Variants in OR52M1 observed in about 807,000 individuals in gnomAD.
The protein encoded by OR52M1 is olfactory receptor 52M1.
Under a neutral mutation model 1.3 loss-of-function variants are expected in OR52M1, and 2 were observed. The observed-to-expected ratio is 1.59, with a 90% CI of 0.65 to 5.01. The LOEUF (loss-of-function observed/expected upper bound fraction) is 5.01, where lower values mean the gene tolerates loss of function less well. OR52M1 is among the 30% of genes most tolerant of loss of function. The pLI, the probability that OR52M1 is intolerant of heterozygous loss-of-function variation, is 0.06. For missense variants in OR52M1, 585 were observed against 403.7 expected (o/e 1.45, Z -3.85); for synonymous variants, 234 against 151.4 (o/e 1.55, Z -4.01).
chr11:4,546,060 C>T lies in OR52M1; in HGVS notation c.870C>T (p.Leu290=). 6.2e-7 allele frequency: 1 copy of T among 1,614,054 alleles called. No homozygotes were observed. Among genetic ancestry groups the T allele is most frequent in the Non-Finnish European group, 8.5e-7 (1 of 1,179,972 alleles). Residue 290 remains leucine, a synonymous_variant, in exon 1 of 1, where the codon CTC becomes CTT. Coordinates refer to ENST00000360213, the MANE Select transcript of OR52M1 (RefSeq NM_001004137.1). ...TCTATCTCCTCATTCCTCCAATCCT[C>T]AATCCCATTGTCTATGCTGTTCGCA... ...ANFYLLIPPI[L]NPIVYAVRTK...
chr11:4,545,861 T>G lies in OR52M1; in HGVS notation c.671T>G (p.Ile224Ser). The G allele has an allele frequency of 6.2e-7, 1 of 1,614,130 alleles. No individual in the cohort carries two copies. Among genetic ancestry groups the G allele is most frequent in the Non-Finnish European group, 8.5e-7 (1 of 1,180,034 alleles). ...SVAIAASYVM[I>S]FRAVMGLATP... ...GCTATTGCTGCATCCTATGTGATGATTTTCAGGGCCGTGATGGGGTTAGCC... is the reference window on the plus strand; with the variant it reads ...GCTATTGCTGCATCCTATGTGATGAGTTTCAGGGCCGTGATGGGGTTAGCC... The change falls in exon 1 of 1, where the codon ATT (isoleucine) becomes AGT (serine). Residue 224 changes from isoleucine to serine, a missense_variant. Physicochemically the swap from Ile to Ser is moderately radical, Grantham distance 142. Coordinates refer to ENST00000360213, the MANE Select transcript of OR52M1 (RefSeq NM_001004137.1).
In OR52M1 at chr11:4,545,208, T is replaced by C; in HGVS notation, c.18T>C (p.Asn6=). The stretch of plus-strand genomic sequence containing the variant: ...AAATAGCCATGCTCACTTTTCATAA[T>C]GTCTGCTCAGTACCCAGCTCCTTCT... MLTFH[N]VCSVPSSFWL... The change falls in exon 1 of 1, where the codon AAT becomes AAC. Residue 6 remains asparagine, a synonymous_variant. Transcript: ENST00000360213. 6.3e-7 allele frequency: 1 copy of C among 1,598,456 alleles called. No homozygotes were observed. Among genetic ancestry groups the C allele is most frequent in the Non-Finnish European group, 8.5e-7 (1 of 1,173,040 alleles).
rs763208987 is a variant in OR52M1 at position 4,545,211 on chromosome 11, C to T, written c.21C>T (p.Val7=). The T allele has an allele frequency of 1.9e-6, 3 of 1,598,996 alleles. No homozygotes were observed. The highest frequency in any genetic ancestry group is 2.6e-6 in the Non-Finnish European group (3 of 1,173,366). ...TAGCCATGCTCACTTTTCATAATGT[C>T]TGCTCAGTACCCAGCTCCTTCTGGC... The part of the protein sequence containing the change: MLTFHN[V]CSVPSSFWLT... The change falls in exon 1 of 1, where the codon GTC becomes GTT. Residue 7 remains valine (V), a synonymous_variant. Coordinates refer to ENST00000360213, the MANE Select transcript of OR52M1 (RefSeq NM_001004137.1).
chr11:4,545,932 C>T lies in OR52M1; in HGVS notation c.742C>T (p.Leu248Phe), dbSNP rs1846951104. The T allele has an allele frequency of 2.5e-6, 4 of 1,613,792 alleles. No individual in the cohort carries two copies. The highest frequency in any genetic ancestry group is 2.2e-5 in the South Asian group (2 of 91,082). Reference sequence around the variant, plus strand: ...AACCCTGGGGACATGCGCTTCTCACCTCTGTGCCATCCTGATCTTTTATGT... The same window carrying T: ...AACCCTGGGGACATGCGCTTCTCACTTCTGTGCCATCCTGATCTTTTATGT... The part of the protein sequence containing the change: ...LKTLGTCASH[L>F]CAILIFYVPI... The change falls in exon 1 of 1, where the codon CTC becomes TTC. Residue 248 changes from leucine to phenylalanine, a missense_variant. Leu to Phe is a conservative substitution (Grantham distance 22, BLOSUM62 0). Transcript: ENST00000360213.
Position 4,545,640 on chromosome 11 carries a change from TCTC to T in OR52M1, c.455_457del (p.Leu152del). Reference sequence around the variant, plus strand: ...TGGTGGGTCGTTTGGGGCTTGTTTCTCTCCTCCGGGGTGTTCTCTACATTGGAC... The same window carrying T: ...TGGTGGGTCGTTTGGGGCTTGTTTCTCTCCGGGGTGTTCTCTACATTGGAC... On this transcript the variant is annotated inframe_deletion, in exon 1 of 1. Coordinates refer to ENST00000360213, the MANE Select transcript of OR52M1 (RefSeq NM_001004137.1). The T allele has an allele frequency of 6.2e-7, 1 of 1,613,578 alleles. No individual in the cohort carries two copies. The highest frequency in any genetic ancestry group is 8.5e-7 in the Non-Finnish European group (1 of 1,179,776).
At position 4,545,361 on chromosome 11, in the gene OR52M1, G is replaced by C; in HGVS notation, c.171G>C (p.Leu57=). The C allele has an allele frequency of 6.2e-7, 1 of 1,614,122 alleles. No homozygotes were observed. Among genetic ancestry groups the C allele is most frequent in the Non-Finnish European group, 8.5e-7 (1 of 1,179,980 alleles). Residue 57 remains leucine, a synonymous_variant, in exon 1 of 1, where the codon CTG becomes CTC. Coordinates refer to ENST00000360213, the MANE Select transcript of OR52M1 (RefSeq NM_001004137.1). ...CTGTGGTAAAGATAGAACGCAGCCTGCACCAGCCCATGTACTTTTTCTTGT... is the reference window on the plus strand; with the variant it reads ...CTGTGGTAAAGATAGAACGCAGCCTCCACCAGCCCATGTACTTTTTCTTGT... ...ILAVVKIERS[L]HQPMYFFLCM...
Position 4,545,997 on chromosome 11 carries a change from G to GT in OR52M1, c.808dup (p.Cys270LeufsTer48). 6.2e-7 allele frequency: 1 copy of GT among 1,614,034 alleles called. No homozygotes were observed. Among genetic ancestry groups the GT allele is most frequent in the Non-Finnish European group, 8.5e-7 (1 of 1,180,010 alleles). ...CTTCCCTGATTCACCGATTTGGTCA[G>GT]TGTGTGCCTCCTCCAGTCCACACTC... On this transcript the variant is annotated frameshift_variant, in exon 1 of 1. Transcript: ENST00000360213. LOFTEE classifies it high-confidence loss of function.
At position 4,546,084 on chromosome 11, in the gene OR52M1, C is replaced by A. The variant is rs778151129; in HGVS notation, c.894C>A (p.Arg298=). The A allele has an allele frequency of 6.2e-7, 1 of 1,613,514 alleles. No homozygotes were observed. Among genetic ancestry groups the A allele is most frequent in the South Asian group, 1.1e-5 (1 of 90,970 alleles). ...PILNPIVYAV[R]TKQIRESLLQ... ...TCAATCCCATTGTCTATGCTGTTCG[C>A]ACCAAGCAGATCCGAGAGAGCCTTC... The change falls in exon 1 of 1, where the codon CGC becomes CGA. Residue 298 remains arginine, a synonymous_variant. Coordinates refer to ENST00000360213, the MANE Select transcript of OR52M1 (RefSeq NM_001004137.1).
rs1846935267 is a variant in OR52M1, at chr11:4,545,223, C to CAG, written c.34_35dup (p.Ser12ArgfsTer35). The CAG allele has an allele frequency of 6.2e-7, 1 of 1,611,086 alleles. No homozygotes were observed. The highest frequency in any genetic ancestry group is 8.5e-7 in the Non-Finnish European group (1 of 1,178,636). ...CTTTTCATAATGTCTGCTCAGTACCCAGCTCCTTCTGGCTCACTGGCATCC... is the reference window on the plus strand; with the variant it reads ...CTTTTCATAATGTCTGCTCAGTACCCAGAGCTCCTTCTGGCTCACTGGCATCC... On this transcript the variant is annotated frameshift_variant, in exon 1 of 1. Transcript: ENST00000360213. LOFTEE classifies it high-confidence loss of function.
In OR52M1 at chr11:4,545,319, G is replaced by T. The variant is rs1041899797; in HGVS notation, c.129G>T (p.Gly43=). ...FGSMYLVAVV[G]NVTILAVVKI... ...CCATGTACCTGGTGGCTGTGGTGGG[G>T]AATGTGACCATCCTGGCTGTGGTAA... is the stretch of plus-strand genomic sequence containing the variant. Residue 43 remains glycine (G), a synonymous_variant, in exon 1 of 1, where the codon GGG becomes GGT. Transcript: ENST00000360213. The T allele has an allele frequency of 1.9e-6, 3 of 1,614,150 alleles. No individual in the cohort carries two copies. Among genetic ancestry groups the T allele is most frequent in the East Asian group, 2.2e-5 (1 of 44,884 alleles).
Position 4,545,934 on chromosome 11 carries a change from C to G in OR52M1, c.744C>G (p.Leu248=). 3 of 1,614,090 alleles carry G rather than the reference C, an allele frequency of 1.9e-6. No individual in the cohort carries two copies. The Middle Eastern group carries it at 5.0e-4, about 266-fold the overall frequency. The change falls in exon 1 of 1, where the codon CTC becomes CTG. Residue 248 remains leucine (L), a synonymous_variant. Coordinates refer to ENST00000360213, the MANE Select transcript of OR52M1 (RefSeq NM_001004137.1). Reference sequence around the variant, plus strand: ...CCCTGGGGACATGCGCTTCTCACCTCTGTGCCATCCTGATCTTTTATGTTC... The same window carrying G: ...CCCTGGGGACATGCGCTTCTCACCTGTGTGCCATCCTGATCTTTTATGTTC... ...LKTLGTCASH[L]CAILIFYVPI... is the part of the protein sequence containing the mutation.
In OR52M1 at chr11:4,545,620, G is replaced by T. The variant is rs756347128; in HGVS notation, c.430G>T (p.Gly144Cys). Residue 144 changes from glycine (G) to cysteine (C), a missense_variant, in exon 1 of 1, where the codon GGT becomes TGT. Transcript: ENST00000360213. Reference protein sequence around the residue: ...HSMVLTYTVVGRLGLVSLLRG... With the variant: ...HSMVLTYTVVCRLGLVSLLRG... The stretch of plus-strand genomic sequence containing the variant: ...CATGGTGCTCACTTATACAGTGGTG[G>T]GTCGTTTGGGGCTTGTTTCTCTCCT... The T allele has an allele frequency of 1.2e-6, 2 of 1,613,600 alleles. No homozygotes were observed. The highest frequency in any genetic ancestry group is 1.7e-6 in the Non-Finnish European group (2 of 1,179,812).
rs148181600 is a variant in OR52M1 at position 4,546,129 on chromosome 11, AATGAAGATT to A, written c.941_949del (p.Met314_Ile316del). On this transcript the variant is annotated inframe_deletion, in exon 1 of 1. Coordinates refer to ENST00000360213, the MANE Select transcript of OR52M1 (RefSeq NM_001004137.1). ...GCCTTCTCCAAATACCAAGGATAGA[AATGAAGATT>A]AGATGATTACTATTTTCTTCTCTCT... The A allele has an allele frequency of 3.6e-3, 5,743 of 1,593,412 alleles. 13 individuals carry two copies. The highest frequency in any genetic ancestry group is 4.5e-3 in the Non-Finnish European group (5,230 of 1,167,014).
chr11:4,545,429 T>C lies in OR52M1; in HGVS notation c.239T>C (p.Ile80Thr). Residue 80 changes from isoleucine (I) to threonine (T), a missense_variant, in exon 1 of 1, where the codon ATA (isoleucine) becomes ACA (threonine). Transcript: ENST00000360213. ...AIDLVLSTST[I>T]PKLLGIFWFG... Reference sequence around the variant, plus strand: ...GACCTGGTTCTGTCTACTTCCACTATACCCAAACTTCTGGGAATCTTCTGG... The same window carrying C: ...GACCTGGTTCTGTCTACTTCCACTACACCCAAACTTCTGGGAATCTTCTGG... 1 of 1,614,222 alleles carries C rather than the reference T, an allele frequency of 6.2e-7. No homozygotes were observed. The highest frequency in any genetic ancestry group is 8.5e-7 in the Non-Finnish European group (1 of 1,180,018).
Position 4,545,878 on chromosome 11 carries a change from G to C in OR52M1, c.688G>C (p.Gly230Arg), listed in dbSNP as rs1222192678. 6.2e-7 allele frequency: 1 copy of C among 1,614,084 alleles called. No homozygotes were observed. ...TGTGATGATTTTCAGGGCCGTGATG[G>C]GGTTAGCCACTCCTGAGGCTAGGCT... ...SYVMIFRAVMGLATPEARLKT... is the reference protein window; with the variant it reads ...SYVMIFRAVMRLATPEARLKT... The change falls in exon 1 of 1, where the codon GGG becomes CGG. Residue 230 changes from glycine to arginine, a missense_variant. Physicochemically the swap from Gly to Arg is moderately radical, Grantham distance 125 (BLOSUM62 -2). Coordinates refer to ENST00000360213, the MANE Select transcript of OR52M1 (RefSeq NM_001004137.1).
In OR52M1 at chr11:4,546,144, A is replaced by G; in HGVS notation, c.954A>G (p.Ter318TrpextTer?). The change falls in exon 1 of 1, where the codon TGA becomes TGG. Residue 318 changes from the stop codon to tryptophan, a stop_lost. Coordinates refer to ENST00000360213, the MANE Select transcript of OR52M1 (RefSeq NM_001004137.1). ...CAAGGATAGAAATGAAGATTAGATG[A>G]TTACTATTTTCTTCTCTCTCAAATA... Reference protein sequence around the residue: ...QIPRIEMKIR* With the variant: ...QIPRIEMKIRW 6.4e-7 allele frequency: 1 copy of G among 1,565,226 alleles called. No homozygotes were observed. Among genetic ancestry groups the G allele is most frequent in the South Asian group, 1.2e-5 (1 of 86,594 alleles).
rs148763961 is a variant in OR52M1 at position 4,545,545 on chromosome 11, G to A, written c.355G>A (p.Ala119Thr). ...CACTGTTGAGTCAGGCATCTTCCTT[G>A]CCATGGCTTTTGATCGCTACGTGGC... Reference protein sequence around the residue: ...FATVESGIFLAMAFDRYVAIC... With the variant: ...FATVESGIFLTMAFDRYVAIC... Residue 119 changes from alanine to threonine, a missense_variant, in exon 1 of 1, where the codon GCC becomes ACC. Transcript: ENST00000360213. 320 of 1,612,316 alleles carry A rather than the reference G, an allele frequency of 2.0e-4. No individual in the cohort carries two copies. The highest frequency in any genetic ancestry group is 2.6e-4 in the Non-Finnish European group (307 of 1,179,200).
chr11:4,545,328 C>T lies in OR52M1; in HGVS notation c.138C>T (p.Thr46=). The change falls in exon 1 of 1, where the codon ACC becomes ACT. Residue 46 remains threonine, a synonymous_variant. Coordinates refer to ENST00000360213, the MANE Select transcript of OR52M1 (RefSeq NM_001004137.1). ...TGGTGGCTGTGGTGGGGAATGTGAC[C>T]ATCCTGGCTGTGGTAAAGATAGAAC... ...MYLVAVVGNV[T]ILAVVKIERS... 1.2e-6 allele frequency: 2 copies of T among 1,614,108 alleles called. No individual in the cohort carries two copies. Among genetic ancestry groups the T allele is most frequent in the Non-Finnish European group, 1.7e-6 (2 of 1,179,994 alleles).
chr11:4,545,283 C>G lies in OR52M1; in HGVS notation c.93C>G (p.Ile31Met), dbSNP rs11032738. 1 of 1,614,116 alleles carries G rather than the reference C, an allele frequency of 6.2e-7. No homozygotes were observed. The highest frequency in any genetic ancestry group is 1.1e-5 in the South Asian group (1 of 91,084). ...GLESLHVWLSIPFGSMYLVAV... is the reference protein window; with the variant it reads ...GLESLHVWLSMPFGSMYLVAV... ...AGTCCCTACACGTCTGGCTCTCCATCCCCTTTGGCTCCATGTACCTGGTGG... is the reference window on the plus strand; with the variant it reads ...AGTCCCTACACGTCTGGCTCTCCATGCCCTTTGGCTCCATGTACCTGGTGG... Residue 31 changes from isoleucine (I) to methionine (M), a missense_variant, in exon 1 of 1, where the codon ATC (isoleucine) becomes ATG (methionine). Transcript: ENST00000360213.
Sources: gnomAD v4.1 joint callset for allele counts on GRCh38, gnomAD v4.1.1 for gene constraint, MANE v1.5 for transcripts, NCBI Gene and HGNC (gene_info 2026-07-23, HGNC 2026-07-21) for gene names.